The following STX11 variants were observed in gnomAD, a reference collection of about 807,000 sequenced individuals.
The protein encoded by STX11 is syntaxin-11.
Under a neutral mutation model 19.9 loss-of-function variants are expected in STX11, and 21 were observed. The observed-to-expected ratio is 1.06, with a 90% CI of 0.75 to 1.52. STX11 has a LOEUF of 1.52. Among genes scored for constraint, STX11 ranks in the 40% most tolerant of loss-of-function variants. STX11 has a pLI of 0.00. For synonymous variants in STX11, 193 were observed against 174.4 expected, an observed-to-expected ratio of 1.11 and a Z score of -0.84; for missense variants, 438 against 405.9, an observed-to-expected ratio of 1.08 and a Z score of -0.68.
chr6:144,175,288 T>G lies in STX11; in HGVS notation c.-5-11335T>G, dbSNP rs1484717869. Among the ~76,000 whole-genome samples, 1 of 152,244 alleles carries G rather than the reference T, an allele frequency of 6.6e-6. No individual in the cohort carries two copies. The highest frequency in any genetic ancestry group is 1.9e-4 in the East Asian group (1 of 5,200). ...ATATAGTAAAATTAGTAGTTATCAT[T>G]TGTTGAAGTCTCAATATATGCTACT... On this transcript the variant is annotated intron_variant, in intron 1 of 1. Transcript: ENST00000367568. The surrounding 1 kb of genome is among the most constrained non-coding windows in gnomAD (Gnocchi z 5.1).
rs975413129 is a variant in STX11 at position 144,187,513 on chromosome 6, C to T, written c.*22C>T. 3.7e-6 allele frequency: 6 copies of T among 1,611,620 alleles called. No homozygotes were observed. The highest frequency in any genetic ancestry group is 1.7e-5 in the Admixed American group (1 of 59,994). On this transcript the variant is annotated 3_prime_UTR_variant, in exon 2 of 2. Coordinates refer to ENST00000367568, the MANE Select transcript of STX11 (RefSeq NM_003764.4). This position sits in a 1 kb window ranked among gnomAD's most constrained non-coding sequence, Gnocchi z 5.6. ...GTAGCAGGCCGGCCCGGGCCGCCAC[C>T]GCCCATCCCAGACCATGGAGCGCGC...
At chr6:144,158,662 A>C (rs113696756) in intron 1 of STX11, among the ~76,000 whole-genome samples, 94 of 152,328 alleles carry the variant, frequency 6.2e-4, no homozygotes, top group Non-Finnish European at 9.8e-4. Context: ...ATCTTATGCC[A>C]GAGGAAGCTT....
rs1801033062 is a variant in STX11, at chr6:144,152,592, A to T, written c.-6+1889A>T. ...ATTGCAGTCACCTTTAGTTAACAGC[A>T]TGACTTTTAGGAAATGGTGTGACTA... On this transcript the variant is annotated intron_variant, in intron 1 of 1. Coordinates refer to ENST00000367568, the MANE Select transcript of STX11 (RefSeq NM_003764.4). The surrounding 1 kb of genome is among the most constrained non-coding windows in gnomAD (Gnocchi z 4.9). 6.6e-6 allele frequency among the ~76,000 whole-genome samples: 1 copy of T among 152,220 alleles called. No individual in the cohort carries two copies. The highest frequency in any genetic ancestry group is 1.5e-5 in the Non-Finnish European group (1 of 68,036).
chr6:144,160,751 A>G lies in STX11; in HGVS notation c.-6+10048A>G, dbSNP rs1208511540. On this transcript the variant is annotated intron_variant, in intron 1 of 1. Coordinates refer to ENST00000367568, the MANE Select transcript of STX11 (RefSeq NM_003764.4). The surrounding 1 kb of genome is among the most constrained non-coding windows in gnomAD (Gnocchi z 4.3). ...TCAAGTGGATAAACATATCCACACCATTCAGCATCTTGACCACAAAGACAC... is the reference window on the plus strand; with the variant it reads ...TCAAGTGGATAAACATATCCACACCGTTCAGCATCTTGACCACAAAGACAC... 6.6e-6 allele frequency among the ~76,000 whole-genome samples: 1 copy of G among 152,182 alleles called. No homozygotes were observed. Among genetic ancestry groups the G allele is most frequent in the African/African-American group, 2.4e-5 (1 of 41,448 alleles).
At chr6:144,156,284 C>T (rs1254500406) in intron 1 of STX11, among the ~76,000 whole-genome samples, 1 of 151,910 alleles carries the variant, frequency 6.6e-6, no homozygotes, top group Non-Finnish European at 1.5e-5. Flanking sequence ...GGCTGGTCTC[C>T]AACTCCCTAC....
Position 144,184,211 on chromosome 6 carries a change from C to G in STX11, c.-5-2412C>G, listed in dbSNP as rs1389237283. Reference sequence around the variant, plus strand: ...TGATTTATATTCCTTTGGGTATATACCCAGTAATGGGATCGCTGGCTCAAA... The same window carrying G: ...TGATTTATATTCCTTTGGGTATATAGCCAGTAATGGGATCGCTGGCTCAAA... On this transcript the variant is annotated intron_variant, in intron 1 of 1. Coordinates refer to ENST00000367568, the MANE Select transcript of STX11 (RefSeq NM_003764.4). This position sits in a 1 kb window ranked among gnomAD's most constrained non-coding sequence, Gnocchi z 6.5. 1.3e-5 allele frequency among the ~76,000 whole-genome samples: 2 copies of G among 152,170 alleles called. No homozygotes were observed. Among genetic ancestry groups the G allele is most frequent in the African/African-American group, 4.8e-5 (2 of 41,442 alleles).
chr6:144,178,301 A>G (rs1562666512), intron 1 of STX11, among the ~76,000 whole-genome samples: 1 of 152,246 alleles, frequency 6.6e-6, no homozygotes. Flanking sequence ...CTCATAAGGA[A>G]TAAATGGGTT....
rs1801723640 is a variant in STX11 at position 144,174,456 on chromosome 6, G to C, written c.-5-12167G>C. Among the ~76,000 whole-genome samples the C allele has an allele frequency of 6.6e-6, 1 of 152,080 alleles. No individual in the cohort carries two copies. Among genetic ancestry groups the C allele is most frequent in the Non-Finnish European group, 1.5e-5 (1 of 68,012 alleles). ...GTGATCTTAGCTTACTGCAACCTCT[G>C]CATCCCAGGTTCAAGCGATCTTCCA... is the stretch of plus-strand genomic sequence containing the variant. On this transcript the variant is annotated intron_variant, in intron 1 of 1. Transcript: ENST00000367568. This position sits in a 1 kb window ranked among gnomAD's most constrained non-coding sequence, Gnocchi z 5.3.
rs576214265 is a variant in STX11, at chr6:144,180,493, A to T, written c.-5-6130A>T. On this transcript the variant is annotated intron_variant, in intron 1 of 1. Coordinates refer to ENST00000367568, the MANE Select transcript of STX11 (RefSeq NM_003764.4). The surrounding 1 kb of genome is among the most constrained non-coding windows in gnomAD (Gnocchi z 5.3). The stretch of plus-strand genomic sequence containing the variant: ...TGGTCTTCCCTGTGCTATTCTCGTG[A>T]TAGTGAATAAGTCTCATGAGATCTG... Among the ~76,000 whole-genome samples the T allele has an allele frequency of 6.6e-6, 1 of 152,322 alleles. No individual in the cohort carries two copies. The highest frequency in any genetic ancestry group is 1.5e-5 in the Non-Finnish European group (1 of 68,024).
chr6:144,185,954 T>C (rs1023633018), intron 1 of STX11, among the ~76,000 whole-genome samples: 5 of 152,040 alleles, frequency 3.3e-5, no homozygotes, highest in Non-Finnish European at 2.9e-5. Context: ...AGTGCCGAAA[T>C]AGACACAAAA....
rs1801567698 is a variant in STX11 at position 144,169,395 on chromosome 6, A to T, written c.-5-17228A>T. Among the ~76,000 whole-genome samples, 1 of 152,232 alleles carries T rather than the reference A, an allele frequency of 6.6e-6. No homozygotes were observed. The highest frequency in any genetic ancestry group is 2.4e-5 in the African/African-American group (1 of 41,470). On this transcript the variant is annotated intron_variant, in intron 1 of 1. Coordinates refer to ENST00000367568, the MANE Select transcript of STX11 (RefSeq NM_003764.4). The surrounding 1 kb of genome is among the most constrained non-coding windows in gnomAD (Gnocchi z 5.2). ...TGTGATCAGCAGATGCTTCATCACC[A>T]CACATCTTTGAAAATTTGATGCTGT... is the stretch of plus-strand genomic sequence containing the variant.
intron 1 of STX11, among the ~76,000 whole-genome samples, chr6:144,156,195 G>T (rs1168264170): frequency 1.3e-5 from 2 of 151,578 alleles, no homozygotes; most frequent in East Asian, 2.0e-4. Context: ...CTCCCAAGCA[G>T]CTGGAATTAC....
rs1325760933 is a variant in STX11 at position 144,187,352 on chromosome 6, T to A, written c.725T>A (p.Leu242Gln). Residue 242 changes from leucine to glutamine, a missense_variant, in exon 2 of 2, where the codon CTG becomes CAG. Transcript: ENST00000367568. This position sits in a 1 kb window ranked among gnomAD's most constrained non-coding sequence, Gnocchi z 5.6. ...CTGGTGGAGAAGCAGGCCGACACCC[T>A]GAACGTCATCGAGCTCAACGTACAA... ...AVLVEKQADTLNVIELNVQKT... is the reference protein window; with the variant it reads ...AVLVEKQADTQNVIELNVQKT... 1 of 1,610,512 alleles carries A rather than the reference T, an allele frequency of 6.2e-7. No homozygotes were observed. Among genetic ancestry groups the A allele is most frequent in the South Asian group, 1.1e-5 (1 of 91,088 alleles).
At position 144,177,169 on chromosome 6, in the gene STX11, C is replaced by T. The variant is rs923913267; in HGVS notation, c.-5-9454C>T. Among the ~76,000 whole-genome samples, 27 of 152,196 alleles carry T rather than the reference C, an allele frequency of 1.8e-4. No homozygotes were observed. The highest frequency in any genetic ancestry group is 3.5e-4 in the Non-Finnish European group (24 of 68,034). On this transcript the variant is annotated intron_variant, in intron 1 of 1. Coordinates refer to ENST00000367568, the MANE Select transcript of STX11 (RefSeq NM_003764.4). This position sits in a 1 kb window ranked among gnomAD's most constrained non-coding sequence, Gnocchi z 4.4. ...CATGGATTTCTCCCTTTCAAAGATA[C>T]TTCATGGAATAGTTACAAAATATAA...
chr6:144,148,736 G>A (rs929553325), upstream of STX11, among the ~76,000 whole-genome samples: 1 of 152,136 alleles, frequency 6.6e-6, no homozygotes, highest in African/African-American at 2.4e-5. Context: ...TCTAGGCTGC[G>A]GCAGTTTTTC....
intron 1 of STX11, among the ~76,000 whole-genome samples, chr6:144,156,730 A>C (rs543851495): frequency 1.3e-5 from 2 of 152,302 alleles, no homozygotes; most frequent in Non-Finnish European, 2.9e-5. Context: ...GACATAGTGT[A>C]TTAGCTAAAT....
chr6:144,178,035 A>T (rs919453587), intron 1 of STX11, among the ~76,000 whole-genome samples: 1 of 152,226 alleles, frequency 6.6e-6, no homozygotes, highest in Non-Finnish European at 1.5e-5. Context: ...AGTTCTAAGA[A>T]TTAGATGCTA....
rs1471832766 is a variant in STX11, at chr6:144,180,580, A to G, written c.-5-6043A>G. 6.6e-6 allele frequency among the ~76,000 whole-genome samples: 1 copy of G among 152,190 alleles called. No individual in the cohort carries two copies. Among genetic ancestry groups the G allele is most frequent in the African/African-American group, 2.4e-5 (1 of 41,442 alleles). ...TCATTTTCTCTTGCCACCACAATGT[A>G]AGAAGTGCCTTTCACCTCCCACTAT... On this transcript the variant is annotated intron_variant, in intron 1 of 1. Transcript: ENST00000367568. The surrounding 1 kb of genome is among the most constrained non-coding windows in gnomAD (Gnocchi z 5.3).
At chr6:144,158,338 G>C (rs1435318459) in intron 1 of STX11, among the ~76,000 whole-genome samples, 1 of 152,168 alleles carries the variant, frequency 6.6e-6, no homozygotes, top group Non-Finnish European at 1.5e-5. Context: ...TCCTTTGCTG[G>C]CTTCTGACCA....
Sources: gnomAD v4.1 joint callset for allele counts (sites outside exome capture counted in the v4.1 genomes callset) on GRCh38, gnomAD v4.1.1 for gene constraint, Gnocchi (gnomAD v3.1) non-coding constraint, MANE v1.5 for transcripts, NCBI Gene and HGNC (gene_info 2026-07-23, HGNC 2026-07-21) for gene names.